SLAIN2: variants seen among roughly 807,000 people sequenced by gnomAD.
The protein encoded by SLAIN2 is SLAIN family member 2.
In SLAIN2, 31 loss-of-function variants were observed where a neutral mutation model predicts 56.6. The ratio of observed to expected loss-of-function variants is 0.55; its 90% CI spans 0.41 to 0.74. SLAIN2 has a LOEUF of 0.74. Among genes scored for constraint, SLAIN2 ranks in the 30% least tolerant of loss-of-function variants. The pLI, the probability that SLAIN2 is intolerant of heterozygous loss-of-function variation, is 0.00. For synonymous variants in SLAIN2, 317 were observed against 284.9 expected, an observed-to-expected ratio of 1.11 and a Z score of -1.13; for missense variants, 777 against 754.2, an observed-to-expected ratio of 1.03 and a Z score of -0.35.
chr4:48,387,524 AAAGT>A (rs1329109032), intron 6 of SLAIN2: 1 of 151,992 alleles, frequency 6.6e-6, no homozygotes, highest in African/African-American at 2.4e-5. Flanking sequence ...GGCAGAAGAG[AAAGT>A]AAGGTACCAT....
At position 48,353,387 on chromosome 4, in the gene SLAIN2, T is replaced by C. The variant is rs138444038; in HGVS notation, c.389+11259T>C. 5.3e-5 allele frequency among the ~76,000 whole-genome samples: 8 copies of C among 151,650 alleles called. No individual in the cohort carries two copies. In the East Asian group the frequency reaches 1.5e-3, roughly 29 times the overall value. Reference sequence around the variant, plus strand: ...ATGGTAAGAAATAGTCATAAGAACTTTGATGGTTGGAAAGCTTCATGAAAG... The same window carrying C: ...ATGGTAAGAAATAGTCATAAGAACTCTGATGGTTGGAAAGCTTCATGAAAG... On this transcript the variant is annotated intron_variant, in intron 1 of 7. Transcript: ENST00000264313.
intron 1 of SLAIN2, among the ~76,000 whole-genome samples, chr4:48,365,253 GA>G (rs1347919881): frequency 1.3e-5 from 2 of 151,630 alleles, no homozygotes; most frequent in Admixed American, 6.6e-5. Context: ...CGAATCACTT[GA>G]AGTCAGGAGT....
At chr4:48,358,888 T>G (rs1370843369) in intron 1 of SLAIN2, among the ~76,000 whole-genome samples, 1 of 151,652 alleles carries the variant, frequency 6.6e-6, no homozygotes, top group Non-Finnish European at 1.5e-5. Context: ...GACTGGCTAA[T>G]TTTTGTATTT....
chr4:48,346,614 A>G lies in SLAIN2; in HGVS notation c.389+4486A>G, dbSNP rs191496681. ...CATTGGTAAAAGTTGCCTGTAATTT[A>G]ATTTGGTAAGCCTAAGTTAATAAAG... On this transcript the variant is annotated intron_variant, in intron 1 of 7. Transcript: ENST00000264313. Among the ~76,000 whole-genome samples the G allele has an allele frequency of 3.9e-5, 6 of 152,302 alleles. No individual in the cohort carries two copies. In the East Asian group the frequency reaches 5.8e-4, roughly 15 times the overall value.
At chr4:48,375,892 A>G (rs1243374377) in intron 2 of SLAIN2, among the ~76,000 whole-genome samples, 1 of 152,184 alleles carries the variant, frequency 6.6e-6, no homozygotes, top group Non-Finnish European at 1.5e-5. Flanking sequence ...CATCCTCTCA[A>G]GACTGCTTCA....
intron 6 of SLAIN2, among the ~76,000 whole-genome samples, chr4:48,397,716 G>A (rs1376570509): frequency 1.3e-5 from 2 of 152,080 alleles, no homozygotes; most frequent in Admixed American, 1.3e-4. Flanking sequence ...GTGTCCATGT[G>A]CTCTTACTGT....
At chr4:48,371,993 C>T (rs900126386) in intron 2 of SLAIN2, among the ~76,000 whole-genome samples, 10 of 145,210 alleles carry the variant, frequency 6.9e-5, no homozygotes, top group Non-Finnish European at 7.8e-5. Flanking sequence ...CACACACGCG[C>T]GCACACACAC....
intron 1 of SLAIN2, among the ~76,000 whole-genome samples, chr4:48,349,464 C>G (rs1714954286): frequency 1.3e-5 from 2 of 152,130 alleles, no homozygotes; most frequent in African/African-American, 4.8e-5. Context: ...TGTATACTTT[C>G]CCATGATGAA....
intron 6 of SLAIN2, among the ~76,000 whole-genome samples, chr4:48,410,539 C>T (rs924406411): frequency 1.3e-5 from 2 of 152,154 alleles, no homozygotes; most frequent in African/African-American, 4.8e-5. Context: ...TTCTGCTCTA[C>T]CCCACCTGCT....
At chr4:48,411,036 C>T (rs147226529) in intron 6 of SLAIN2, among the ~76,000 whole-genome samples, 6 of 152,070 alleles carry the variant, frequency 3.9e-5, no homozygotes, top group Admixed American at 6.6e-5. Context: ...GACCCCTGAC[C>T]GTGAATACTT....
Position 48,341,655 on chromosome 4 carries a change from G to A in SLAIN2, c.-85G>A. ...GCCGGCGCCTCGGCTAGAGTGAGCG[G>A]CGGCGACGCCTCTTTCCTCCGTCTC... On this transcript the variant is annotated 5_prime_UTR_variant, in exon 1 of 8. Transcript: ENST00000264313. 1.4e-6 allele frequency: 2 copies of A among 1,477,034 alleles called. No individual in the cohort carries two copies. The highest frequency in any genetic ancestry group is 2.4e-4 in the Middle Eastern group (1 of 4,236). 91.5% of individuals were successfully genotyped at this position (1,477,034 alleles called of 1,614,324 possible). A position where few individuals can be genotyped will look rare whatever the true frequency, so the allele number is the denominator to read the frequency against.
chr4:48,383,487 C>A (rs181443728), intron 5 of SLAIN2, among the ~76,000 whole-genome samples, 160 bp from the exon 6 acceptor site: 1 of 151,502 alleles, frequency 6.6e-6, no homozygotes, highest in Non-Finnish European at 1.5e-5. Flanking sequence ...GATCCTAGAT[C>A]GAGTTGTTTG....
At chr4:48,412,405 CACACACACACAT>C (rs1222918058) in intron 6 of SLAIN2, among the ~76,000 whole-genome samples, 1,779 of 57,512 alleles carry the variant, frequency 0.031, 68 homozygotes, top group South Asian at 0.058. Context: ...CACACACACA[CACACACACACAT>C]TCCCTCTCTC....
rs1339808514 is a variant in SLAIN2, at chr4:48,425,204, G to C, written c.*3127G>C. On this transcript the variant is annotated 3_prime_UTR_variant, in exon 8 of 8. Transcript: ENST00000264313. Reference sequence around the variant, plus strand: ...ATTATGTCTTATATTTTCTCTGTCAGAGTTATTTCATATATGGATTTTACT... The same window carrying C: ...ATTATGTCTTATATTTTCTCTGTCACAGTTATTTCATATATGGATTTTACT... The C allele has an allele frequency of 6.6e-6, 1 of 152,002 alleles. No individual in the cohort carries two copies. The highest frequency in any genetic ancestry group is 2.4e-5 in the African/African-American group (1 of 41,388). The allele number at this position is 152,002 out of a possible 1,614,324, so 9.4% of individuals were successfully genotyped here. A position where few individuals can be genotyped will look rare whatever the true frequency, so the allele number is the denominator to read the frequency against.
intron 2 of SLAIN2, among the ~76,000 whole-genome samples, chr4:48,371,353 G>A (rs775685271): frequency 3.4e-4 from 51 of 152,050 alleles, no homozygotes; most frequent in Non-Finnish European, 7.5e-4. Flanking sequence ...GATTACAGGC[G>A]TGAGCCACCA....
In SLAIN2 at chr4:48,416,729, T is replaced by C. The variant is rs1407042949; in HGVS notation, c.1361-3396T>C. ...CAAAGCCGCTCAACTACATGGAAAC[T>C]GAACAACCTGCTCCTGAATGACTAC... is the stretch of plus-strand genomic sequence containing the variant. On this transcript the variant is annotated intron_variant, in intron 6 of 7. Transcript: ENST00000264313. Among the ~76,000 whole-genome samples, 3 of 149,662 alleles carry C rather than the reference T, an allele frequency of 2.0e-5. No homozygotes were observed. In the East Asian group the frequency reaches 5.9e-4, roughly 29 times the overall value.
chr4:48,362,271 A>G (rs1560452098), intron 1 of SLAIN2, among the ~76,000 whole-genome samples: 1 of 152,002 alleles, frequency 6.6e-6, no homozygotes, highest in Admixed American at 6.6e-5. Context: ...TTTGTGAAAG[A>G]GTTTGTGTAG....
intron 6 of SLAIN2, among the ~76,000 whole-genome samples, chr4:48,413,038 A>G (rs1402718607): frequency 6.6e-6 from 1 of 151,950 alleles, no homozygotes; most frequent in Non-Finnish European, 1.5e-5. Context: ...GACCAGCCAG[A>G]CCATCATGGC....
chr4:48,366,467 A>T (rs1715522622), intron 1 of SLAIN2, among the ~76,000 whole-genome samples: 1 of 152,156 alleles, frequency 6.6e-6, no homozygotes, highest in African/African-American at 2.4e-5. Context: ...TACTGTTGTT[A>T]GGTATGTTTA....
Sources: gnomAD v4.1 joint callset for allele counts (sites outside exome capture counted in the v4.1 genomes callset) on GRCh38, gnomAD v4.1.1 for gene constraint, MANE v1.5 for transcripts, NCBI Gene and HGNC (gene_info 2026-07-23, HGNC 2026-07-21) for gene names.